Variants in LINGO1 observed in about 807,000 individuals in gnomAD.
LINGO1 encodes leucine rich repeat and Ig domain containing 1, also known as leucine-rich repeat and immunoglobulin-like domain-containing nogo receptor-interacting protein 1.
Under a neutral mutation model 37.3 loss-of-function variants are expected in LINGO1, and 11 were observed. The ratio of observed to expected loss-of-function variants is 0.29; its 90% CI spans 0.19 to 0.49. The LOEUF is 0.49. LINGO1 is among the 20% of genes least tolerant of loss of function. The pLI is 0.99. For missense variants in LINGO1, 585 were observed against 878.2 expected (o/e 0.67, Z 4.22); for synonymous variants, 387 against 403.0 (o/e 0.96, Z 0.48).
chr15:77,751,229 G>A (rs1270730723), intron 1 of LINGO1, among the ~76,000 whole-genome samples: 5 of 152,152 alleles, frequency 3.3e-5, no homozygotes, highest in Admixed American at 6.5e-5. Context: ...TTCCTTCTCC[G>A]TAAAATGGGA....
Position 77,614,311 on chromosome 15 carries a change from G to C in LINGO1, c.1596C>G (p.Ile532Met), listed in dbSNP as rs2073610342. Residue 532 changes from isoleucine (I) to methionine (M), a missense_variant, in exon 2 of 2, where the codon ATC (isoleucine) becomes ATG (methionine). Ile to Met is a conservative substitution (Grantham distance 10, BLOSUM62 1). Around this residue, in one of 4 missense-constraint regions of LINGO1, gnomAD observed 484 missense variants for 735.0 expected, o/e 0.66. Coordinates refer to ENST00000355300, the MANE Select transcript of LINGO1 (RefSeq NM_032808.7). The stretch of plus-strand genomic sequence containing the variant: ...CCTCTCCCTCGCCCGGCTGGTTGGA[G>C]ATGAAAGCGAAGGTCTTGTTGGGCT... The part of the protein sequence containing the change: ...PHQPNKTFAF[I>M]SNQPGEGEAN... The C allele has an allele frequency of 1.9e-6, 3 of 1,614,016 alleles. No individual in the cohort carries two copies. Among genetic ancestry groups the C allele is most frequent in the Non-Finnish European group, 2.5e-6 (3 of 1,179,900 alleles).
At chr15:77,747,447 TC>T (rs1436451546) in intron 1 of LINGO1, among the ~76,000 whole-genome samples, 1 of 151,918 alleles carries the variant, frequency 6.6e-6, no homozygotes, top group Non-Finnish European at 1.5e-5. Context: ...GGTCAATCAC[TC>T]CCCCTGCAAG....
At chr15:77,780,968 GAAGTC>G (rs543845641) in intron 1 of LINGO1, among the ~76,000 whole-genome samples, 84 of 152,366 alleles carry the variant, frequency 5.5e-4, no homozygotes, top group African/African-American at 1.5e-3. Flanking sequence ...GATAGATGAA[GAAGTC>G]AAGGAGAGCT....
chr15:77,751,115 T>C (rs772402732), intron 1 of LINGO1, among the ~76,000 whole-genome samples: 2 of 152,178 alleles, frequency 1.3e-5, no homozygotes, highest in African/African-American at 2.4e-5. Context: ...ACCACCGTGA[T>C]TGTCAGCCTA....
intron 1 of LINGO1, among the ~76,000 whole-genome samples, chr15:77,755,123 A>G (rs564485803): frequency 1.3e-4 from 20 of 152,340 alleles, no homozygotes; most frequent in Non-Finnish European, 1.5e-4. Flanking sequence ...GAGCACAGCC[A>G]GGTCCCCACT....
intron 1 of LINGO1, among the ~76,000 whole-genome samples, chr15:77,808,984 C>T (rs574160230): frequency 3.9e-5 from 6 of 152,300 alleles, no homozygotes; most frequent in East Asian, 1.9e-4. Context: ...AGGCACGTGC[C>T]GGCTAGGAGC....
At chr15:77,619,554 G>T (rs1450962934) in intron 1 of LINGO1, among the ~76,000 whole-genome samples, 1 of 151,862 alleles carries the variant, frequency 6.6e-6, no homozygotes, top group East Asian at 1.9e-4. Context: ...GGCATGGTGG[G>T]GTGCACCTAT....
At chr15:77,805,704 C>G (rs2076953978) in intron 1 of LINGO1, among the ~76,000 whole-genome samples, 1 of 152,152 alleles carries the variant, frequency 6.6e-6, no homozygotes, top group Non-Finnish European at 1.5e-5. Context: ...TGCATCACAC[C>G]CAGCCAGCTC....
At chr15:77,658,743 T>C (rs573531752) in intron 3 of LINGO1, among the ~76,000 whole-genome samples, 1 of 152,376 alleles carries the variant, frequency 6.6e-6, no homozygotes, top group East Asian at 1.9e-4. Context: ...GACTGTCACC[T>C]GAAGGCTACT....
At chr15:77,709,127 G>A (rs2075887946) in intron 2 of LINGO1, among the ~76,000 whole-genome samples, 1 of 152,134 alleles carries the variant, frequency 6.6e-6, no homozygotes, top group African/African-American at 2.4e-5. Flanking sequence ...AGAGCTGTGA[G>A]AGAGTAATTT....
intron 1 of LINGO1, among the ~76,000 whole-genome samples, chr15:77,621,120 T>C (rs1410530632): frequency 6.6e-6 from 1 of 151,474 alleles, no homozygotes; most frequent in African/African-American, 2.4e-5. Context: ...AGTGGCGAGA[T>C]CTTGGCTCAC....
intron 3 of LINGO1, among the ~76,000 whole-genome samples, chr15:77,674,121 C>T (rs1349021301): frequency 6.6e-6 from 1 of 152,122 alleles, no homozygotes; most frequent in African/African-American, 2.4e-5. Flanking sequence ...GGCAACCCCA[C>T]CCTCCTAGAT....
At chr15:77,798,970 C>A (rs2076895414) in intron 1 of LINGO1, among the ~76,000 whole-genome samples, 1 of 152,130 alleles carries the variant, frequency 6.6e-6, no homozygotes, top group South Asian at 2.1e-4. Context: ...GTGGGTATGT[C>A]ACGTAGGCCT....
upstream of LINGO1, among the ~76,000 whole-genome samples, chr15:77,788,885 T>C (rs1419875191): frequency 1.3e-5 from 2 of 152,152 alleles, no homozygotes; most frequent in Non-Finnish European, 2.9e-5. Flanking sequence ...ACCCAAAGGA[T>C]ACGGGGATTG....
chr15:77,642,892 C>T lies in LINGO1; in HGVS notation c.-12-26992G>A, dbSNP rs544088794. The stretch of plus-strand genomic sequence containing the variant: ...TCACTTGTGCAGCCTTGGTCTATCC[C>T]GCTGAGGCCTCTTTGCAGATGCACA... On this transcript the variant is annotated intron_variant, in intron 3 of 3. Coordinates refer to the LINGO1 transcript ENST00000559893. 5.9e-5 allele frequency among the ~76,000 whole-genome samples: 9 copies of T among 152,362 alleles called. No individual in the cohort carries two copies. In the East Asian group the frequency reaches 9.6e-4, roughly 16 times the overall value.
intron 1 of LINGO1, among the ~76,000 whole-genome samples, chr15:77,737,621 CACAAA>C (rs1446057581): frequency 6.6e-6 from 1 of 152,154 alleles, no homozygotes; most frequent in East Asian, 1.9e-4. Context: ...CCCACCACTC[CACAAA>C]ACTGCTCTTA....
chr15:77,674,709 G>A (rs1193586557), intron 3 of LINGO1, among the ~76,000 whole-genome samples: 5 of 151,794 alleles, frequency 3.3e-5, no homozygotes, highest in Admixed American at 2.0e-4. Context: ...GCCACCTCTC[G>A]AAGAGACCTT....
chr15:77,789,285 T>C (rs150611654), upstream of LINGO1, among the ~76,000 whole-genome samples: 811 of 152,346 alleles, frequency 5.3e-3, 12 homozygotes, highest in Admixed American at 0.026. Flanking sequence ...GGCGGCCCCT[T>C]AATCCAATAC....
chr15:77,673,766 A>G (rs1596087418), intron 3 of LINGO1, among the ~76,000 whole-genome samples: 1 of 152,198 alleles, frequency 6.6e-6, no homozygotes, highest in African/African-American at 2.4e-5. Context: ...CCTGGACTCC[A>G]GTCACATACA....
Sources: gnomAD v4.1 joint callset for allele counts (sites outside exome capture counted in the v4.1 genomes callset) on GRCh38, gnomAD v4.1.1 for gene constraint, gnomAD v4.1.1 regional missense constraint, MANE v1.5 for transcripts, NCBI Gene and HGNC (gene_info 2026-07-23, HGNC 2026-07-21) for gene names.